The following TOX2 variants were observed in gnomAD, a reference collection of about 807,000 sequenced individuals.
The protein encoded by TOX2 is granulosa cell HMG box 1.
TOX2 carries 15 observed loss-of-function variants against 47.4 expected under a neutral mutation model. The observed-to-expected ratio is 0.32, with a 90% confidence interval of 0.21 to 0.49. The LOEUF is 0.49. TOX2 is among the 20% of genes least tolerant of loss of function. The pLI is 0.99. For synonymous variants in TOX2, 290 were observed against 296.6 expected (o/e 0.98, Z 0.23); for missense variants, 622 against 673.1 (o/e 0.92, Z 0.84).
At chr20:44,031,506 G>A (rs2071151893) in intron 3 of TOX2, among the ~76,000 whole-genome samples, 1 of 152,152 alleles carries the variant, frequency 6.6e-6, no homozygotes, top group Admixed American at 6.5e-5. Flanking sequence ...GGCAAGGTCT[G>A]TGCCTGCATT....
At chr20:44,028,685 A>G (rs6031303) in intron 3 of TOX2, among the ~76,000 whole-genome samples, 110,671 of 152,092 alleles carry the variant, frequency 0.73, 40,428 homozygotes, top group Middle Eastern at 0.83. Flanking sequence ...TGGCACTCAG[A>G]TGGGGGAGGA....
At chr20:43,988,248 G>A (rs565144295) in intron 2 of TOX2, among the ~76,000 whole-genome samples, 42 of 151,992 alleles carry the variant, frequency 2.8e-4, no homozygotes, top group African/African-American at 9.9e-4. Context: ...ACATGCATAT[G>A]TGTGTGTGTG....
intron 1 of TOX2, among the ~76,000 whole-genome samples, chr20:43,971,933 GA>G (rs1277809476): frequency 2.0e-5 from 3 of 152,240 alleles, no homozygotes; most frequent in African/African-American, 7.2e-5. Context: ...TGCCTCTGGA[GA>G]GGGGCAGTGG....
rs148089159 is a variant in TOX2 at position 44,060,306 on chromosome 20, C to T, written c.880-4471C>T. 4.8e-3 allele frequency among the ~76,000 whole-genome samples: 730 copies of T among 152,084 alleles called. 6 individuals carry two copies. The highest frequency in any genetic ancestry group is 0.017 in the African/African-American group (701 of 41,490). On this transcript the variant is annotated intron_variant, in intron 5 of 8. Transcript: ENST00000341197. ...AAGATAGACAGTAAAACAACAATAG[C>T]GGGAAACTTCAATACTCCACTGACA...
chr20:43,954,007 C>T (rs924952546), intron 1 of TOX2, among the ~76,000 whole-genome samples: 2 of 152,300 alleles, frequency 1.3e-5, no homozygotes, highest in African/African-American at 4.8e-5. Context: ...CCATCCTCCA[C>T]GTGGCTAGCT....
intron 3 of TOX2, among the ~76,000 whole-genome samples, chr20:44,040,595 C>T (rs952230983): frequency 1.3e-5 from 2 of 152,122 alleles, no homozygotes; most frequent in Admixed American, 6.5e-5. Flanking sequence ...GATTATATTC[C>T]GCCTCCTGTA....
At chr20:43,997,407 ATTG>A (rs1477512005) in intron 2 of TOX2, among the ~76,000 whole-genome samples, 2 of 152,220 alleles carry the variant, frequency 1.3e-5, no homozygotes, top group African/African-American at 2.4e-5. Flanking sequence ...AAGAAAAGTA[ATTG>A]TTGTTTGGAA....
At chr20:43,955,359 T>G in intron 1 of TOX2, 1 of 958,034 alleles carries the variant, frequency 1.0e-6, no homozygotes, top group Non-Finnish European at 1.2e-6. Context: ...ACCCGTTGTT[T>G]CCCCTTGGCT....
At chr20:43,972,714 C>T (rs2069997825) in intron 1 of TOX2, among the ~76,000 whole-genome samples, 1 of 152,238 alleles carries the variant, frequency 6.6e-6, no homozygotes, top group South Asian at 2.1e-4. Flanking sequence ...ATCTCTTCCC[C>T]TGCACCTGCT....
chr20:43,989,030 C>T (rs1429426331), intron 2 of TOX2, among the ~76,000 whole-genome samples: 2 of 152,174 alleles, frequency 1.3e-5, no homozygotes, highest in Non-Finnish European at 2.9e-5. Context: ...AGTCAAAGTG[C>T]TTTTAATGAT....
intron 2 of TOX2, 106 bp downstream of exon 2, chr20:43,973,538 C>T (rs1051921810): frequency 1.0e-4 from 91 of 889,188 alleles, no homozygotes; most frequent in African/African-American, 5.1e-4. Context: ...CAGCACAGCC[C>T]GCTGCTGTCT....
chr20:43,996,596 T>C (rs1260793551), intron 2 of TOX2, among the ~76,000 whole-genome samples: 1 of 152,164 alleles, frequency 6.6e-6, no homozygotes, highest in Non-Finnish European at 1.5e-5. Context: ...ATCTGTAAAA[T>C]GGAAATGCCA....
At chr20:44,058,468 A>G (rs2071661044) in intron 5 of TOX2, among the ~76,000 whole-genome samples, 1 of 152,190 alleles carries the variant, frequency 6.6e-6, no homozygotes, top group Non-Finnish European at 1.5e-5. Flanking sequence ...CAAAGGACAT[A>G]ATCTCTCTTG....
In TOX2 at chr20:43,932,782, C is replaced by CT. The variant is rs199581745; in HGVS notation, c.99+17792_99+17793insT. ...GTTGGAGAGGGGTTGCTGCCCCCCC[C>CT]CGCCATTTCTGACTGAGGGCAGGTC... On this transcript the variant is annotated intron_variant, in intron 1 of 8. Coordinates refer to ENST00000341197, the MANE Select transcript of TOX2 (RefSeq NM_001098797.2). Among the ~76,000 whole-genome samples, 55 of 140,474 alleles carry CT rather than the reference C, an allele frequency of 3.9e-4. 1 individual carries two copies. In the East Asian group the frequency reaches 6.3e-3, roughly 16 times the overall value. The allele number at this position is 140,474 out of a possible 152,430, so 92.2% of individuals were successfully genotyped here. A position where few individuals can be genotyped will look rare whatever the true frequency, so the allele number is the denominator to read the frequency against.
chr20:44,063,893 G>C (rs938780426), intron 5 of TOX2, among the ~76,000 whole-genome samples: 4 of 152,134 alleles, frequency 2.6e-5, no homozygotes, highest in Non-Finnish European at 5.9e-5. Context: ...ATTATTCTAA[G>C]TGAAGTAACT....
rs547578270 is a variant in TOX2 at position 43,978,955 on chromosome 20, T to A, written c.165+5523T>A. Among the ~76,000 whole-genome samples, 7 of 152,040 alleles carry A rather than the reference T, an allele frequency of 4.6e-5. No homozygotes were observed. In the South Asian group the frequency reaches 1.5e-3, roughly 32 times the overall value. On this transcript the variant is annotated intron_variant, in intron 2 of 8. Transcript: ENST00000341197. The stretch of plus-strand genomic sequence containing the variant: ...TTGTGGCAGAGGGGATGGAAAGAAG[T>A]AGATGCATTGGAGATAAAGTTAGTG...
rs183955944 is a variant in TOX2 at position 44,006,663 on chromosome 20, G to A, written c.282G>A (p.Ser94=). 63 of 1,614,052 alleles carry A rather than the reference G, an allele frequency of 3.9e-5. No individual in the cohort carries two copies. The highest frequency in any genetic ancestry group is 3.3e-4 in the African/African-American group (25 of 75,016). ...GGGACCACGAAGCCAGCTACCACTC[G>A]CTGTGCCACGGCCTCACCCCCAACG... ...HLGDHEASYH[S]LCHGLTPNGL... is the part of the protein sequence containing the mutation. The change falls in exon 3 of 9, where the codon TCG becomes TCA. Residue 94 remains serine, a synonymous_variant. Transcript: ENST00000341197.
chr20:43,943,534 C>T (rs1485205365), intron 1 of TOX2, among the ~76,000 whole-genome samples: 1 of 152,200 alleles, frequency 6.6e-6, no homozygotes, highest in African/African-American at 2.4e-5. Context: ...CTTATACTCA[C>T]CTCTGTGTGT....
At chr20:43,940,917 T>C (rs1473425031) in intron 1 of TOX2, among the ~76,000 whole-genome samples, 1 of 152,100 alleles carries the variant, frequency 6.6e-6, no homozygotes, top group Admixed American at 6.6e-5. Context: ...CACAATATTG[T>C]GAAATTAAGC....
Sources: gnomAD v4.1 joint callset for allele counts (sites outside exome capture counted in the v4.1 genomes callset) on GRCh38, gnomAD v4.1.1 for gene constraint, MANE v1.5 for transcripts, NCBI Gene and HGNC (gene_info 2026-07-23, HGNC 2026-07-21) for gene names.